Variants in NRG2 observed in about 807,000 individuals in gnomAD.
NRG2 encodes the protein neuregulin 2, also known as pro-neuregulin-2, membrane-bound isoform.
Under a neutral mutation model 73.9 loss-of-function variants are expected in NRG2, and 27 were observed. The ratio of observed to expected loss-of-function variants is 0.37; its 90% CI spans 0.27 to 0.50. The LOEUF (loss-of-function observed/expected upper bound fraction) is 0.50. NRG2 is among the 20% of genes least tolerant of loss of function. The pLI is 0.96. For synonymous variants in NRG2, 532 were observed against 541.0 expected (o/e 0.98, Z 0.23); for missense variants, 1,126 against 1,210.1 (o/e 0.93, Z 1.03).
chr5:139,913,493 C>T (rs1751009488), intron 1 of NRG2, among the ~76,000 whole-genome samples: 1 of 152,222 alleles, frequency 6.6e-6, no homozygotes, highest in African/African-American at 2.4e-5. Context: ...TCTGTAGCTT[C>T]AACACTACTA....
At chr5:139,881,112 C>A (rs1388493217) in intron 2 of NRG2, 138 bp from the exon 3 acceptor site, 4 of 676,502 alleles carry the variant, frequency 5.9e-6, no homozygotes, top group South Asian at 3.6e-5. Context: ...TTCCCTCCCC[C>A]CAGCAATTTC....
intron 1 of NRG2, among the ~76,000 whole-genome samples, chr5:139,893,626 G>C (rs55903923): frequency 0.012 from 1,866 of 152,244 alleles, 30 homozygotes; most frequent in African/African-American, 0.043. Context: ...TTCCCCTAAG[G>C]TTTCCTCCTC....
intron 1 of NRG2, among the ~76,000 whole-genome samples, chr5:139,998,155 G>T (rs1478627579): frequency 6.6e-6 from 1 of 152,162 alleles, no homozygotes; most frequent in African/African-American, 2.4e-5. Flanking sequence ...AAGTCAGGAG[G>T]CCTTGGTTCT....
intron 1 of NRG2, among the ~76,000 whole-genome samples, chr5:139,893,085 A>G (rs1156572033): frequency 2.0e-5 from 3 of 152,232 alleles, no homozygotes; most frequent in Non-Finnish European, 4.4e-5. Flanking sequence ...ATTTAAATCA[A>G]TTCAATTACC....
In NRG2 at chr5:139,884,700, A is replaced by G. The variant is rs1418365750; in HGVS notation, c.872+2640T>C. Among the ~76,000 whole-genome samples the G allele has an allele frequency of 1.3e-5, 2 of 152,126 alleles. 1 individual carries two copies. The highest frequency in any genetic ancestry group is 3.9e-4 in the East Asian group (2 of 5,194). Reference sequence around the variant, plus strand: ...TTCTATAGTAGAAGCTAGACTAGAGACTCATGAAGGTAAGTTTTGTTTTGT... The same window carrying G: ...TTCTATAGTAGAAGCTAGACTAGAGGCTCATGAAGGTAAGTTTTGTTTTGT... On this transcript the variant is annotated intron_variant, in intron 2 of 9. Coordinates refer to ENST00000361474, the MANE Select transcript of NRG2 (RefSeq NM_004883.3).
chr5:140,006,009 T>A (rs773218784), intron 1 of NRG2, among the ~76,000 whole-genome samples: 2 of 152,198 alleles, frequency 1.3e-5, no homozygotes, highest in African/African-American at 2.4e-5. Context: ...TGAAAATCAG[T>A]GCTTCTGTCA....
At chr5:139,917,212 T>C (rs1751319204) in intron 1 of NRG2, among the ~76,000 whole-genome samples, 1 of 152,158 alleles carries the variant, frequency 6.6e-6, no homozygotes, top group Admixed American at 6.6e-5. Context: ...TACAATTCAA[T>C]GGTTTTTGGA....
chr5:139,860,347 C>G (rs779550466), intron 5 of NRG2, among the ~76,000 whole-genome samples: 1 of 152,068 alleles, frequency 6.6e-6, no homozygotes. Flanking sequence ...AGACAGCTTG[C>G]CCAGCTCCCT....
intron 1 of NRG2, among the ~76,000 whole-genome samples, chr5:139,942,856 T>C (rs1753503461): frequency 6.6e-6 from 1 of 152,234 alleles, no homozygotes. Flanking sequence ...ATTTATTTAT[T>C]TATTGAAACA....
chr5:139,859,935 G>A, intron 5 of NRG2: 2 of 1,611,318 alleles, frequency 1.2e-6, no homozygotes, highest in Non-Finnish European at 1.7e-6. Flanking sequence ...AAGAGCGAGG[G>A]TCACAAAGGG....
intron 1 of NRG2, among the ~76,000 whole-genome samples, chr5:139,930,254 G>A (rs1028321736): frequency 2.0e-5 from 3 of 152,228 alleles, no homozygotes; most frequent in Non-Finnish European, 2.9e-5. Flanking sequence ...GGGCAAGAAG[G>A]TGAGTGAGTT....
chr5:139,939,234 TCC>T (rs1561694576), intron 1 of NRG2, among the ~76,000 whole-genome samples: 5 of 145,812 alleles, frequency 3.4e-5, no homozygotes, highest in African/African-American at 1.1e-4. Context: ...CTTCCTTCCT[TCC>T]TTCCTTCCTT....
chr5:139,970,494 G>T (rs1051070280), intron 1 of NRG2, among the ~76,000 whole-genome samples: 2 of 151,272 alleles, frequency 1.3e-5, no homozygotes, highest in Non-Finnish European at 2.9e-5. Context: ...AGGCTAATTT[G>T]GGCTGACTAC....
intron 1 of NRG2, among the ~76,000 whole-genome samples, chr5:139,970,437 C>T (rs960827010): frequency 1.3e-5 from 2 of 151,706 alleles, no homozygotes; most frequent in African/African-American, 4.8e-5. Context: ...ACATCCCCAC[C>T]TCCACTGGAG....
rs1354609041 is a variant in NRG2 at position 139,880,968 on chromosome 5, G to A, written c.879C>T (p.Asn293=). The change falls in exon 3 of 10, where the codon AAC becomes AAT. Residue 293 remains asparagine (N), a synonymous_variant. Coordinates refer to ENST00000361474, the MANE Select transcript of NRG2 (RefSeq NM_004883.3). ...TCACCTTGTTGAACTGTAGTCGTGA[G>A]TTCTTTCTGGTTAGGGAGGGGATAA... ...IRIKYGNGRK[N]SRLQFNKVKV... is the part of the protein sequence containing the mutation. 6.2e-7 allele frequency: 1 copy of A among 1,613,826 alleles called. No homozygotes were observed. The highest frequency in any genetic ancestry group is 1.3e-5 in the African/African-American group (1 of 75,052).
Position 139,848,508 on chromosome 5 carries a change from G to C in NRG2, c.1962C>G (p.Pro654=), listed in dbSNP as rs1318209062. The change falls in exon 10 of 10, where the codon CCC becomes CCG. Residue 654 remains proline, a synonymous_variant. Coordinates refer to ENST00000361474, the MANE Select transcript of NRG2 (RefSeq NM_004883.3). ...CGGGCCCGGGTCCGGGTCCCGGGCC[G>C]GGGGGCGCCGGGTGCCGCAGTAACG... is the stretch of plus-strand genomic sequence containing the variant. The part of the protein sequence containing the change: ...QQPLLRHPAP[P]GPGPGPGPGP... The C allele has an allele frequency of 7.3e-7, 1 of 1,377,780 alleles. No homozygotes were observed. Among genetic ancestry groups the C allele is most frequent in the Non-Finnish European group, 9.3e-7 (1 of 1,078,200 alleles). The allele number at this position is 1,377,780 out of a possible 1,614,324, so 85.3% of individuals were successfully genotyped here. A position where few individuals can be genotyped will look rare whatever the true frequency, so the allele number is the denominator to read the frequency against.
At chr5:140,024,021 GAC>G (rs1035149148) in intron 1 of NRG2, among the ~76,000 whole-genome samples, 46 of 152,220 alleles carry the variant, frequency 3.0e-4, no homozygotes, top group African/African-American at 1.1e-3. Context: ...AGGTCAAACA[GAC>G]GTAAAACTGA....
Position 139,852,648 on chromosome 5 carries a change from T to C in NRG2, c.1417-89A>G. The C allele has an allele frequency of 6.5e-7, 1 of 1,546,172 alleles. No homozygotes were observed. The highest frequency in any genetic ancestry group is 1.8e-4 in the Middle Eastern group (1 of 5,674). Reference sequence around the variant, plus strand: ...GGACAGGGAAGTGATGAGCACTGACTGAGCTCCTGGTTGGGGAGACCCACT... The same window carrying C: ...GGACAGGGAAGTGATGAGCACTGACCGAGCTCCTGGTTGGGGAGACCCACT... On this transcript the variant is annotated intron_variant, in intron 7 of 9. Coordinates refer to ENST00000361474, the MANE Select transcript of NRG2 (RefSeq NM_004883.3). This position sits in a 1 kb window ranked among gnomAD's most constrained non-coding sequence, Gnocchi z 4.4.
At chr5:140,022,212 T>C (rs1446132624) in intron 1 of NRG2, among the ~76,000 whole-genome samples, 1 of 152,178 alleles carries the variant, frequency 6.6e-6, no homozygotes, top group African/African-American at 2.4e-5. Context: ...ATTCAAGCTT[T>C]TATGTCTACC....
Sources: allele counts gnomAD v4.1 joint callset (sites outside exome capture counted in the v4.1 genomes callset), GRCh38; gene constraint gnomAD v4.1.1; non-coding constraint Gnocchi (gnomAD v3.1); transcripts MANE v1.5; gene names NCBI Gene and HGNC (gene_info 2026-07-23, HGNC 2026-07-21).